CUBN: variants seen among roughly 807,000 people sequenced by gnomAD.
CUBN encodes 460 kDa receptor.
Under a neutral mutation model 405.3 loss-of-function variants are expected in CUBN, and 282 were observed. The ratio of observed to expected loss-of-function variants is 0.70; its 90% CI spans 0.63 to 0.77. The LOEUF (loss-of-function observed/expected upper bound fraction) is 0.77, where lower values mean the gene tolerates loss of function less well. Ranked by LOEUF, CUBN falls within the 30% of genes least tolerant of loss-of-function variation. The pLI is 0.00. For missense variants in CUBN, 4,514 were observed against 4,475.2 expected (o/e 1.01, Z -0.25); for synonymous variants, 1,684 against 1,617.0 (o/e 1.04, Z -0.99).
intron 64 of CUBN, among the ~76,000 whole-genome samples, chr10:16,832,490 C>T (rs1839036821): frequency 6.6e-6 from 1 of 152,122 alleles, no homozygotes; most frequent in Admixed American, 6.5e-5. Flanking sequence ...AGTGTTTAAA[C>T]AAAGTAACCT....
intron 31 of CUBN, among the ~76,000 whole-genome samples, chr10:16,957,546 T>C (rs1843100671): frequency 6.6e-6 from 1 of 152,092 alleles, no homozygotes; most frequent in Non-Finnish European, 1.5e-5. Context: ...AAAGCCACAG[T>C]GAAATACCAC....
At chr10:16,971,713 C>A (rs1707285) in intron 31 of CUBN, among the ~76,000 whole-genome samples, 2 of 151,888 alleles carry the variant, frequency 1.3e-5, no homozygotes, top group Non-Finnish European at 2.9e-5. Flanking sequence ...GTGTCTCTGT[C>A]CTGAAAACAT....
At chr10:17,035,729 C>A (rs1206807091) in intron 27 of CUBN, among the ~76,000 whole-genome samples, 1 of 152,038 alleles carries the variant, frequency 6.6e-6, no homozygotes, top group Non-Finnish European at 1.5e-5. Flanking sequence ...CAAACTAATG[C>A]AGGAAACAGA....
intron 31 of CUBN, among the ~76,000 whole-genome samples, chr10:16,966,894 T>C (rs1843407600): frequency 6.6e-6 from 1 of 152,164 alleles, no homozygotes; most frequent in South Asian, 2.1e-4. Context: ...CAAAGTGATT[T>C]TGAGGATCGA....
intron 28 of CUBN, among the ~76,000 whole-genome samples, chr10:16,994,219 G>C (rs1005154936): frequency 2.0e-5 from 3 of 151,804 alleles, no homozygotes; most frequent in Admixed American, 6.6e-5. Context: ...AGTGTTTATT[G>C]AGCATCTGCC....
At chr10:17,083,228 G>A (rs187073392) in intron 17 of CUBN, among the ~76,000 whole-genome samples, 3 of 152,130 alleles carry the variant, frequency 2.0e-5, no homozygotes, top group East Asian at 1.9e-4. Context: ...AATGCAGGCC[G>A]GTTGCAGTAG....
intron 38 of CUBN, 145 bp downstream of exon 38, chr10:16,938,818 T>C (rs1842583699): frequency 1.4e-6 from 1 of 709,232 alleles, no homozygotes; most frequent in Non-Finnish European, 2.5e-6. Context: ...GTCCATGTAA[T>C]CTAGAGGCAG....
chr10:17,046,371 C>A (rs1028075472), intron 23 of CUBN, among the ~76,000 whole-genome samples: 2 of 152,126 alleles, frequency 1.3e-5, no homozygotes, highest in African/African-American at 4.8e-5. Context: ...AATCTTCACC[C>A]TTTCGAATAA....
At chr10:16,923,207 C>T (rs1842088847) in intron 43 of CUBN, among the ~76,000 whole-genome samples, 1 of 151,982 alleles carries the variant, frequency 6.6e-6, no homozygotes, top group African/African-American at 2.4e-5. Flanking sequence ...CTTGGCAGAA[C>T]TCGGTGGTTT....
intron 21 of CUBN, among the ~76,000 whole-genome samples, chr10:17,066,769 GAAAT>G (rs1362746883): frequency 6.6e-6 from 1 of 151,944 alleles, no homozygotes; most frequent in African/African-American, 2.4e-5. Flanking sequence ...ACATGAATGA[GAAAT>G]AAAGAAAATA....
intron 22 of CUBN, among the ~76,000 whole-genome samples, chr10:17,058,100 T>A (rs1235217941): frequency 1.3e-5 from 2 of 151,782 alleles, no homozygotes; most frequent in Non-Finnish European, 2.9e-5. Context: ...CCAGCCTGGG[T>A]GACAGAGAGA....
intron 27 of CUBN, among the ~76,000 whole-genome samples, chr10:17,028,582 G>A (rs530297855): frequency 4.3e-4 from 65 of 151,934 alleles, no homozygotes; most frequent in South Asian, 1.7e-3. Context: ...TTCGCCAGGC[G>A]TGGTGGTGGG....
intron 14 of CUBN, among the ~76,000 whole-genome samples, chr10:17,090,912 TA>T: frequency 6.6e-6 from 1 of 151,976 alleles, no homozygotes; most frequent in Non-Finnish European, 1.5e-5. Context: ...ATTTTTTCTT[TA>T]AAAAACAACA....
chr10:17,069,569 G>A (rs984288610), intron 19 of CUBN, among the ~76,000 whole-genome samples: 1 of 151,884 alleles, frequency 6.6e-6, no homozygotes, highest in Admixed American at 6.6e-5. Flanking sequence ...TTTGATACAG[G>A]GTCTCACTCT....
At chr10:16,904,379 A>T (rs1268732393) in intron 50 of CUBN, among the ~76,000 whole-genome samples, 1 of 152,232 alleles carries the variant, frequency 6.6e-6, no homozygotes, top group Non-Finnish European at 1.5e-5. Flanking sequence ...TTGTGTTTTC[A>T]TAGTTATTTC....
chr10:16,946,595 A>C (rs1220433668), intron 36 of CUBN, among the ~76,000 whole-genome samples: 1 of 149,532 alleles, frequency 6.7e-6, no homozygotes, highest in African/African-American at 2.5e-5. Context: ...TCCCAGGTTC[A>C]GGGCATTCTC....
intron 43 of CUBN, among the ~76,000 whole-genome samples, chr10:16,923,445 T>C (rs1396668406): frequency 6.6e-6 from 1 of 152,036 alleles, no homozygotes; most frequent in African/African-American, 2.4e-5. Flanking sequence ...GAAATAGATA[T>C]GGTGGGAAGA....
At chr10:17,000,696 T>TGCAC (rs1392547378) in intron 28 of CUBN, among the ~76,000 whole-genome samples, 1 of 152,272 alleles carries the variant, frequency 6.6e-6, no homozygotes, top group Non-Finnish European at 1.5e-5. Context: ...TGCTACTTAT[T>TGCAC]GCACGGCCTT....
At chr10:16,970,773 C>T (rs1843528091) in intron 31 of CUBN, among the ~76,000 whole-genome samples, 1 of 152,104 alleles carries the variant, frequency 6.6e-6, no homozygotes, top group Non-Finnish European at 1.5e-5. Flanking sequence ...TTAGCCTTGA[C>T]CCTGACATTT....
Sources: allele counts gnomAD v4.1 joint callset (sites outside exome capture counted in the v4.1 genomes callset), GRCh38; gene constraint gnomAD v4.1.1; transcripts MANE v1.5; gene names NCBI Gene and HGNC (gene_info 2026-07-23, HGNC 2026-07-21).